The following UBAP2L variants were observed in gnomAD, a reference collection of about 807,000 sequenced individuals.
The protein encoded by UBAP2L is ubiquitin associated protein 2 like.
UBAP2L carries 12 observed loss-of-function variants against 130.6 expected under a neutral mutation model. That is an observed-to-expected ratio of 0.09 (90% confidence interval 0.06 to 0.15). The LOEUF (loss-of-function observed/expected upper bound fraction) is 0.15. Ranked by LOEUF, UBAP2L falls within the 10% of genes least tolerant of loss-of-function variation. The probability of loss-of-function intolerance (pLI) is 1.00; values close to 1 mark genes in which losing one functional copy is unlikely to be tolerated. For missense variants in UBAP2L, 965 were observed against 1,332.5 expected (o/e 0.72, Z 4.29); for synonymous variants, 503 against 524.7 (o/e 0.96, Z 0.57).
At chr1:154,242,075 A>G (rs933538977) in intron 9 of UBAP2L, among the ~76,000 whole-genome samples, 3 of 152,184 alleles carry the variant, frequency 2.0e-5, no homozygotes, top group Non-Finnish European at 4.4e-5. Flanking sequence ...ATTGAGATGA[A>G]TATCTGTAGA....
chr1:154,237,899 C>T (rs528133508), intron 8 of UBAP2L, among the ~76,000 whole-genome samples: 1 of 152,188 alleles, frequency 6.6e-6, no homozygotes, highest in Non-Finnish European at 1.5e-5. Context: ...GTGCCACTTT[C>T]AATAAGAGCA....
At chr1:154,257,790 T>C (rs1048907392) in intron 20 of UBAP2L, 24 of 298,062 alleles carry the variant, frequency 8.1e-5, no homozygotes, top group Middle Eastern at 2.2e-3. Context: ...ACCCATCTAT[T>C]GTGTATCTGC....
At chr1:154,233,875 C>CT (rs773762669) in intron 4 of UBAP2L, among the ~76,000 whole-genome samples, 35 of 139,296 alleles carry the variant, frequency 2.5e-4, no homozygotes, top group Middle Eastern at 3.6e-3. Flanking sequence ...TTAGTTTTTT[C>CT]TTTTTTTTTT....
At chr1:154,243,707 C>T (rs1674352658) in intron 10 of UBAP2L, among the ~76,000 whole-genome samples, 2 of 152,048 alleles carry the variant, frequency 1.3e-5, no homozygotes, top group African/African-American at 4.8e-5. Context: ...GTAATCCGCC[C>T]ACCTCTGCCT....
intron 8 of UBAP2L, among the ~76,000 whole-genome samples, chr1:154,237,787 T>G (rs974765175): frequency 1.3e-5 from 2 of 152,212 alleles, no homozygotes; most frequent in African/African-American, 2.4e-5. Flanking sequence ...AGATTACTTT[T>G]TTGTTAACTG....
rs563005276 is a variant in UBAP2L at position 154,260,938 on chromosome 1, G to A, written c.2625G>A (p.Pro875=). The part of the protein sequence containing the change: ...FGRGDASSPA[P]ATTLAQPQQN... ...GTGGGGATGCCTCCTCCCCAGCCCC[G>A]GCCACAACCTTGGCCCAACCCCAAC... Residue 875 remains proline, a synonymous_variant, in exon 23 of 27, where the codon CCG becomes CCA. Coordinates refer to ENST00000428931, the MANE Select transcript of UBAP2L (RefSeq NM_014847.4). 4.3e-6 allele frequency: 7 copies of A among 1,614,072 alleles called. No individual in the cohort carries two copies. The highest frequency in any genetic ancestry group is 3.3e-5 in the South Asian group (3 of 91,076).
intron 4 of UBAP2L, among the ~76,000 whole-genome samples, chr1:154,230,454 A>T (rs1012626494): frequency 1.3e-5 from 2 of 152,252 alleles, no homozygotes; most frequent in Non-Finnish European, 2.9e-5. Flanking sequence ...CAAAAGTGTT[A>T]TCCTGGATTA....
chr1:154,229,793 T>A (rs551022699), intron 4 of UBAP2L, among the ~76,000 whole-genome samples: 6 of 152,314 alleles, frequency 3.9e-5, no homozygotes, highest in African/African-American at 1.4e-4. Flanking sequence ...CATTTTCATT[T>A]ATTGGGTCTT....
chr1:154,246,881 C>A (rs1675700285), intron 11 of UBAP2L, among the ~76,000 whole-genome samples: 1 of 152,184 alleles, frequency 6.6e-6, no homozygotes. Context: ...GATAAAAGTG[C>A]TAGTCCTTCC....
intron 5 of UBAP2L, 155 bp downstream of exon 5, chr1:154,234,914 T>G (rs960823236): frequency 1.2e-5 from 12 of 1,027,024 alleles, no homozygotes; most frequent in Admixed American, 2.5e-5. Context: ...ATCTCTTGCA[T>G]GTGGCCTTTT....
intron 6 of UBAP2L, among the ~76,000 whole-genome samples, chr1:154,236,124 G>A (rs1671592193): frequency 6.6e-6 from 1 of 152,184 alleles, no homozygotes; most frequent in Admixed American, 6.5e-5. Flanking sequence ...TATTACTGAT[G>A]TGTAACATGG....
At chr1:154,223,098 C>G (rs1423713101) in intron 1 of UBAP2L, among the ~76,000 whole-genome samples, 1 of 146,806 alleles carries the variant, frequency 6.8e-6, no homozygotes, top group African/African-American at 2.6e-5. Flanking sequence ...TGACCTGTTG[C>G]TCAGTGTTGT....
downstream of UBAP2L, chr1:154,270,937 G>A: frequency 6.5e-7 from 1 of 1,550,290 alleles, no homozygotes; most frequent in Non-Finnish European, 8.7e-7. Flanking sequence ...TGTACCAACT[G>A]GGCCTCCTCT....
chr1:154,269,512 A>C, intron 26 of UBAP2L: 1 of 1,005,486 alleles, frequency 9.9e-7, no homozygotes, highest in Non-Finnish European at 1.4e-6. Flanking sequence ...GCGGTCACAA[A>C]TCGGGATACA....
chr1:154,250,592 G>T (rs529021677), intron 12 of UBAP2L, among the ~76,000 whole-genome samples: 8 of 152,250 alleles, frequency 5.3e-5, no homozygotes, highest in Non-Finnish European at 7.4e-5. Flanking sequence ...GGCAGCTCAT[G>T]CCTGTAATCC....
intron 9 of UBAP2L, chr1:154,241,941 A>G (rs149460997): frequency 2.6e-5 from 5 of 195,222 alleles, no homozygotes; most frequent in Non-Finnish European, 4.7e-5. Context: ...AGTATTTGCT[A>G]TAAGGTCCTG....
intron 25 of UBAP2L, among the ~76,000 whole-genome samples, chr1:154,267,030 C>T (rs925832019): frequency 9.2e-5 from 14 of 152,078 alleles, no homozygotes; most frequent in Non-Finnish European, 2.1e-4. Context: ...TATCCCCCAT[C>T]ACCATAAATA....
rs748266194 is a variant in UBAP2L, at chr1:154,225,821, CTT to C, written c.90+611_90+612del. Among the ~76,000 whole-genome samples the C allele has an allele frequency of 4.8e-4, 73 of 152,264 alleles. 1 individual carries two copies. Among genetic ancestry groups the C allele is most frequent in the Admixed American group, 1.7e-3 (26 of 15,290 alleles). On this transcript the variant is annotated intron_variant, in intron 2 of 26. Transcript: ENST00000428931. ...AGACCTTCCACCTTGATATCTCTCT[CTT>C]TTGTTTTTGAGACGGAGTCTCGCTC...
At chr1:154,268,181 G>A (rs1347797730) in intron 25 of UBAP2L, among the ~76,000 whole-genome samples, 1 of 151,322 alleles carries the variant, frequency 6.6e-6, no homozygotes, top group East Asian at 2.0e-4. Context: ...GGGCCACTGC[G>A]CCCAGCCTTT....
Sources: allele counts gnomAD v4.1 joint callset (sites outside exome capture counted in the v4.1 genomes callset), GRCh38; gene constraint gnomAD v4.1.1; transcripts MANE v1.5; gene names NCBI Gene and HGNC (gene_info 2026-07-23, HGNC 2026-07-21).